The following GRM7 variants were observed in gnomAD, a reference collection of about 807,000 sequenced individuals.
GRM7 encodes the protein metabotropic glutamate receptor 7.
A neutral mutation model predicts 84.5 loss-of-function variants in GRM7; 35 were observed. That is an observed-to-expected ratio of 0.41 (90% CI 0.32 to 0.55). GRM7 has a LOEUF of 0.55. GRM7 is among the 20% of genes least tolerant of loss of function. GRM7 has a pLI of 0.19. For synonymous variants in GRM7, 487 were observed against 455.1 expected (o/e 1.07, Z -0.89); for missense variants, 1,003 against 1,194.6 (o/e 0.84, Z 2.36).
chr3:7,191,899 C>T (rs567723776), intron 2 of GRM7, among the ~76,000 whole-genome samples: 3 of 151,994 alleles, frequency 2.0e-5, no homozygotes, highest in South Asian at 4.2e-4. Context: ...TTTATAAAAC[C>T]TATCTCTGGT....
chr3:6,959,265 C>G (rs970095796), intron 1 of GRM7, among the ~76,000 whole-genome samples: 1 of 152,246 alleles, frequency 6.6e-6, no homozygotes, highest in East Asian at 1.9e-4. Context: ...GGCCATGACT[C>G]TAGCCTGCCT....
At chr3:7,132,271 C>G (rs1005052414) in intron 1 of GRM7, among the ~76,000 whole-genome samples, 9 of 152,184 alleles carry the variant, frequency 5.9e-5, no homozygotes, top group African/African-American at 1.9e-4. Context: ...ATGCTTTGTA[C>G]AAGCTACATA....
At chr3:7,534,640 C>T (rs758946125) in intron 7 of GRM7, among the ~76,000 whole-genome samples, 10 of 152,042 alleles carry the variant, frequency 6.6e-5, no homozygotes, top group Non-Finnish European at 1.2e-4. Context: ...AAATTTCAGT[C>T]GTTGTGGTTA....
chr3:7,114,893 T>A (rs566373045), intron 1 of GRM7, among the ~76,000 whole-genome samples: 16 of 152,210 alleles, frequency 1.1e-4, no homozygotes, highest in African/African-American at 3.6e-4. Context: ...GCCCACCCCA[T>A]GTTTTGCCCT....
intron 1 of GRM7, among the ~76,000 whole-genome samples, chr3:7,141,161 A>C (rs550757928): frequency 6.6e-6 from 1 of 152,056 alleles, no homozygotes; most frequent in East Asian, 1.9e-4. Context: ...AGTAATTAGA[A>C]AACTAACTGA....
At chr3:7,696,045 C>T (rs1701004066) in intron 9 of GRM7, among the ~76,000 whole-genome samples, 1 of 152,080 alleles carries the variant, frequency 6.6e-6, no homozygotes, top group African/African-American at 2.4e-5. Context: ...TTTCCATTAT[C>T]ACAAAAAATT....
intron 1 of GRM7, among the ~76,000 whole-genome samples, chr3:7,058,686 C>G (rs140206672): frequency 6.6e-6 from 1 of 151,794 alleles, no homozygotes; most frequent in African/African-American, 2.4e-5. Context: ...AGGGTACACT[C>G]GCCAGCTGTT....
intron 1 of GRM7, among the ~76,000 whole-genome samples, chr3:6,909,360 G>T (rs978517849): frequency 6.6e-6 from 1 of 152,126 alleles, no homozygotes; most frequent in African/African-American, 2.4e-5. Flanking sequence ...TCCCTCACGT[G>T]TATAATAAAG....
intron 1 of GRM7, among the ~76,000 whole-genome samples, chr3:6,869,584 T>C (rs1695048437): frequency 6.6e-6 from 1 of 151,892 alleles, no homozygotes; most frequent in African/African-American, 2.4e-5. Context: ...TCTATCTGTC[T>C]ATCTATCTAT....
chr3:7,171,611 TC>T (rs1694986639), intron 2 of GRM7, among the ~76,000 whole-genome samples: 1 of 152,180 alleles, frequency 6.6e-6, no homozygotes, highest in South Asian at 2.1e-4. Context: ...CTCCATTAAA[TC>T]ACTCTCTAAG....
In GRM7 at chr3:7,336,397, G is replaced by A. The variant is rs188247229; in HGVS notation, c.1033+29745G>A. Among the ~76,000 whole-genome samples, 7 of 151,838 alleles carry A rather than the reference G, an allele frequency of 4.6e-5. No homozygotes were observed. The East Asian group carries it at 1.2e-3, about 25-fold the overall frequency. ...TGGCATAGAAGGGACATACCTTAAG[G>A]TAATAAAAGCCATCTGTGACAAACC... On this transcript the variant is annotated intron_variant, in intron 4 of 9. Coordinates refer to ENST00000357716, the MANE Select transcript of GRM7 (RefSeq NM_000844.4).
chr3:7,627,435 T>C (rs763041372), intron 8 of GRM7, among the ~76,000 whole-genome samples: 7 of 152,192 alleles, frequency 4.6e-5, no homozygotes, highest in African/African-American at 1.4e-4. Flanking sequence ...ATGACTCTTA[T>C]ATGAAATAGT....
intron 2 of GRM7, among the ~76,000 whole-genome samples, chr3:7,232,025 A>T (rs953163092): frequency 6.6e-6 from 1 of 152,192 alleles, no homozygotes; most frequent in Non-Finnish European, 1.5e-5. Context: ...AGAACATTGA[A>T]ATAAGTGATG....
chr3:7,005,664 C>A (rs1463844147), intron 1 of GRM7, among the ~76,000 whole-genome samples: 2 of 152,088 alleles, frequency 1.3e-5, no homozygotes, highest in African/African-American at 4.8e-5. Flanking sequence ...TGTTAGTAAG[C>A]CTCTTGCAAT....
At chr3:7,448,124 C>T (rs951813382) in intron 5 of GRM7, among the ~76,000 whole-genome samples, 42 of 151,886 alleles carry the variant, frequency 2.8e-4, no homozygotes, top group African/African-American at 9.4e-4. Context: ...GTATATGTGC[C>T]ACATTTTCTT....
At chr3:7,432,374 G>T (rs188183915) in intron 5 of GRM7, among the ~76,000 whole-genome samples, 498 of 152,282 alleles carry the variant, frequency 3.3e-3, no homozygotes, top group Non-Finnish European at 6.0e-3. Flanking sequence ...AGGCTGGAGT[G>T]CAGTGGCACA....
intron 4 of GRM7, among the ~76,000 whole-genome samples, chr3:7,408,483 CA>C (rs1695777575): frequency 6.6e-6 from 1 of 152,048 alleles, no homozygotes; most frequent in South Asian, 2.1e-4. Context: ...ATAGACACAC[CA>C]AATAATTTGT....
intron 2 of GRM7, among the ~76,000 whole-genome samples, chr3:7,179,553 C>T (rs1333327324): frequency 5.3e-5 from 8 of 152,306 alleles, no homozygotes; most frequent in Middle Eastern, 6.8e-3. Flanking sequence ...GCCGCATATG[C>T]GTACCTTAAA....
intron 5 of GRM7, among the ~76,000 whole-genome samples, chr3:7,428,185 A>G (rs937062438): frequency 1.3e-5 from 2 of 152,234 alleles, no homozygotes; most frequent in Middle Eastern, 3.4e-3. Flanking sequence ...TGCTTTTTTG[A>G]GTTGGTCCAC....
Sources: gnomAD v4.1 joint callset for allele counts (sites outside exome capture counted in the v4.1 genomes callset) on GRCh38, gnomAD v4.1.1 for gene constraint, MANE v1.5 for transcripts, NCBI Gene and HGNC (gene_info 2026-07-23, HGNC 2026-07-21) for gene names.